The following CDH13 variants were observed in gnomAD, a reference collection of about 807,000 sequenced individuals.
CDH13 encodes cadherin 13.
CDH13 carries 24 observed loss-of-function variants against 63.8 expected under a neutral mutation model. The observed-to-expected ratio is 0.38, with a 90% CI of 0.27 to 0.53. The LOEUF (loss-of-function observed/expected upper bound fraction) is 0.53, where lower values mean the gene tolerates loss of function less well. Ranked by LOEUF, CDH13 falls within the 20% of genes least tolerant of loss-of-function variation. CDH13 has a pLI of 0.85. For synonymous variants in CDH13, 503 were observed against 355.3 expected (o/e 1.42, Z -4.67); for missense variants, 1,049 against 903.1 (o/e 1.16, Z -2.07).
intron 10 of CDH13, among the ~76,000 whole-genome samples, chr16:83,694,167 C>G (rs1312116036): frequency 2.6e-5 from 4 of 152,148 alleles, no homozygotes; most frequent in Non-Finnish European, 4.4e-5. Flanking sequence ...AGATAGAACT[C>G]AAGGGGAGGG....
In CDH13 at chr16:83,663,850, G is replaced by T. The variant is rs367617087; in HGVS notation, c.1102-6940G>T. On this transcript the variant is annotated intron_variant, in intron 8 of 13. Coordinates refer to ENST00000567109, the MANE Select transcript of CDH13 (RefSeq NM_001257.5). ...CTTCAAAGAAAACAAATCATTTACA[G>T]AATTTTAATCAGATAAAGAGAGGAG... Among the ~76,000 whole-genome samples the T allele has an allele frequency of 4.6e-5, 7 of 152,212 alleles. No homozygotes were observed. In the East Asian group the frequency reaches 7.7e-4, roughly 17 times the overall value.
intron 4 of CDH13, among the ~76,000 whole-genome samples, chr16:83,138,852 G>C (rs767894417): frequency 1.3e-5 from 2 of 152,106 alleles, no homozygotes; most frequent in African/African-American, 4.8e-5. Flanking sequence ...AGAGGCAGAA[G>C]GACTGGAAAG....
At chr16:83,188,573 T>C (rs1033033293) in intron 4 of CDH13, among the ~76,000 whole-genome samples, 8 of 152,190 alleles carry the variant, frequency 5.3e-5, no homozygotes, top group African/African-American at 1.9e-4. Context: ...ATGCCAGGCG[T>C]TGGCCATGGT....
chr16:83,684,827 G>A (rs1419369307), intron 10 of CDH13, among the ~76,000 whole-genome samples: 2 of 152,188 alleles, frequency 1.3e-5, no homozygotes, highest in East Asian at 1.9e-4. Context: ...ACTAAGTTTG[G>A]CTGAACATAA....
At chr16:83,564,653 C>T (rs1325383195) in intron 7 of CDH13, among the ~76,000 whole-genome samples, 3 of 152,162 alleles carry the variant, frequency 2.0e-5, no homozygotes, top group Admixed American at 6.5e-5. Context: ...AGGTGATCCA[C>T]CTCCCTCGGC....
intron 5 of CDH13, among the ~76,000 whole-genome samples, chr16:83,242,491 C>G (rs1167409367): frequency 6.6e-6 from 1 of 152,124 alleles, no homozygotes; most frequent in Non-Finnish European, 1.5e-5. Context: ...CCAAGTTTTT[C>G]TAAATCAGAT....
At chr16:83,140,189 G>C (rs554461187) in intron 4 of CDH13, among the ~76,000 whole-genome samples, 1 of 152,150 alleles carries the variant, frequency 6.6e-6, no homozygotes, top group Non-Finnish European at 1.5e-5. Context: ...CAAGCCTCCT[G>C]GCACTGCTGA....
At chr16:83,327,373 C>T (rs563425239) in intron 5 of CDH13, among the ~76,000 whole-genome samples, 2 of 152,316 alleles carry the variant, frequency 1.3e-5, no homozygotes, top group Admixed American at 6.5e-5. Flanking sequence ...TGGCTGGGTT[C>T]ATTCACCTTC....
At chr16:83,033,068 G>A (rs1597185506) in intron 3 of CDH13, among the ~76,000 whole-genome samples, 1 of 152,160 alleles carries the variant, frequency 6.6e-6, no homozygotes, top group East Asian at 1.9e-4. Flanking sequence ...ACCATATACA[G>A]GCATATGTAC....
At chr16:83,345,543 G>T (rs1244107026) in intron 6 of CDH13, among the ~76,000 whole-genome samples, 1 of 152,192 alleles carries the variant, frequency 6.6e-6, no homozygotes, top group East Asian at 1.9e-4. Context: ...GTAAATGCAT[G>T]TGCCTACTGT....
intron 6 of CDH13, among the ~76,000 whole-genome samples, chr16:83,449,084 A>T (rs1157931831): frequency 6.6e-6 from 1 of 152,226 alleles, no homozygotes; most frequent in Non-Finnish European, 1.5e-5. Context: ...TGTGTGTATG[A>T]TCAGCAGGCT....
chr16:82,888,441 G>T (rs2040966150), intron 2 of CDH13, among the ~76,000 whole-genome samples: 1 of 152,238 alleles, frequency 6.6e-6, no homozygotes, highest in African/African-American at 2.4e-5. Context: ...ACTAGAAACA[G>T]AATGGCAAGT....
chr16:82,803,338 G>A (rs897075811), intron 1 of CDH13, among the ~76,000 whole-genome samples: 3 of 152,086 alleles, frequency 2.0e-5, no homozygotes, highest in African/African-American at 7.2e-5. Context: ...TTATTTATTG[G>A]GCCTTCTTTA....
chr16:83,729,475 A>G (rs924794503), intron 10 of CDH13, among the ~76,000 whole-genome samples: 1 of 152,226 alleles, frequency 6.6e-6, no homozygotes, highest in African/African-American at 2.4e-5. Flanking sequence ...AAACTAAGAA[A>G]GATGTAAATC....
chr16:83,511,740 A>G (rs544650274), intron 7 of CDH13, among the ~76,000 whole-genome samples: 1 of 152,332 alleles, frequency 6.6e-6, no homozygotes, highest in African/African-American at 2.4e-5. Flanking sequence ...ATGAAATCGC[A>G]AAATAAAAAT....
At chr16:82,713,840 T>C (rs1235268659) in intron 1 of CDH13, among the ~76,000 whole-genome samples, 2 of 138,464 alleles carry the variant, frequency 1.4e-5, no homozygotes, top group Non-Finnish European at 3.2e-5. Context: ...AGGAAAACAA[T>C]AGTTTCCCTT....
At chr16:83,751,334 C>T (rs748439656) in intron 11 of CDH13, among the ~76,000 whole-genome samples, 1 of 152,150 alleles carries the variant, frequency 6.6e-6, no homozygotes, top group Non-Finnish European at 1.5e-5. Flanking sequence ...GTGGCTCATG[C>T]CTGCAATGTC....
At chr16:82,835,940 C>T (rs1375578266) in intron 1 of CDH13, among the ~76,000 whole-genome samples, 1 of 152,146 alleles carries the variant, frequency 6.6e-6, no homozygotes, top group Non-Finnish European at 1.5e-5. Flanking sequence ...GCTCTTGAGG[C>T]TCCTCAAGTA....
At chr16:83,151,439 G>A (rs2036975189) in intron 4 of CDH13, among the ~76,000 whole-genome samples, 1 of 152,146 alleles carries the variant, frequency 6.6e-6, no homozygotes, top group Non-Finnish European at 1.5e-5. Context: ...ATGCCCCTGT[G>A]AAATGTACCT....
Sources: allele counts gnomAD v4.1 joint callset (sites outside exome capture counted in the v4.1 genomes callset), GRCh38; gene constraint gnomAD v4.1.1; transcripts MANE v1.5; gene names NCBI Gene and HGNC (gene_info 2026-07-23, HGNC 2026-07-21).